Variants in MCPH1 observed in about 807,000 individuals in gnomAD.
MCPH1 encodes microcephalin 1.
In MCPH1, 104 loss-of-function variants were observed where a neutral mutation model predicts 84.5. The ratio of observed to expected loss-of-function variants is 1.23; its 90% CI spans 1.05 to 1.45. The LOEUF (loss-of-function observed/expected upper bound fraction) is 1.45, where lower values mean the gene tolerates loss of function less well. Ranked by LOEUF, MCPH1 falls within the 40% of genes most tolerant of loss-of-function variation. The pLI, the probability that MCPH1 is intolerant of heterozygous loss-of-function variation, is 0.00. For missense variants in MCPH1, 1,498 were observed against 1,005.7 expected (o/e 1.49, Z -6.62); for synonymous variants, 514 against 366.8 (o/e 1.40, Z -4.58).
chr8:6,445,516 G>A lies in MCPH1; in HGVS notation c.1794G>A (p.Glu598=), dbSNP rs778610703. 9.3e-6 allele frequency: 15 copies of A among 1,606,792 alleles called. No homozygotes were observed. The highest frequency in any genetic ancestry group is 1.1e-5 in the Non-Finnish European group (13 of 1,177,532). The change falls in exon 8 of 14, where the codon GAG becomes GAA. Residue 598 remains glutamate, a synonymous_variant. Coordinates refer to ENST00000344683, the MANE Select transcript of MCPH1 (RefSeq NM_024596.5). ...VDCNMETSTE[E]KENLPGGYSG... ...GTAACATGGAGACGTCTACAGAAGA[G>A]AAGGAAAACTTACCCGGAGGATACA...
chr8:6,521,685 G>A (rs1208361583), intron 12 of MCPH1, among the ~76,000 whole-genome samples: 2 of 152,162 alleles, frequency 1.3e-5, no homozygotes, highest in Non-Finnish European at 2.9e-5. Context: ...CAGGATAGGT[G>A]GGATATGGGT....
intron 12 of MCPH1, among the ~76,000 whole-genome samples, chr8:6,504,627 C>G (rs968639555): frequency 2.6e-5 from 4 of 152,028 alleles, no homozygotes; most frequent in African/African-American, 9.7e-5. Flanking sequence ...AAAGTGCTTC[C>G]TTTAAGTGAA....
chr8:6,522,773 CA>C (rs199503821), intron 12 of MCPH1, among the ~76,000 whole-genome samples: 12,752 of 130,120 alleles, frequency 0.098, 933 homozygotes, highest in African/African-American at 0.21. Flanking sequence ...GACATCGTCT[CA>C]AAAAAAAAAA....
chr8:6,548,424 C>T (rs144669039), intron 12 of MCPH1, among the ~76,000 whole-genome samples: 30 of 152,238 alleles, frequency 2.0e-4, no homozygotes, highest in African/African-American at 7.2e-4. Flanking sequence ...GATTTTGATC[C>T]TCATCTCAAC....
chr8:6,431,032 G>C (rs1316772112), intron 3 of MCPH1, among the ~76,000 whole-genome samples: 4 of 152,170 alleles, frequency 2.6e-5, no homozygotes, highest in African/African-American at 9.7e-5. Context: ...CCTGGGCCTT[G>C]GGGCTGATGG....
rs115482959 is a variant in MCPH1 at position 6,593,783 on chromosome 8, A to G, written c.2215-27671A>G. ...TGAGGTCATGTTATAAAATTGTCGCATAGGACTTCTCAAGAAAAGACAGCC... is the reference window on the plus strand; with the variant it reads ...TGAGGTCATGTTATAAAATTGTCGCGTAGGACTTCTCAAGAAAAGACAGCC... On this transcript the variant is annotated intron_variant, in intron 12 of 13. Transcript: ENST00000344683. Among the ~76,000 whole-genome samples, 1,176 of 152,360 alleles carry G rather than the reference A, an allele frequency of 7.7e-3. 13 individuals carry two copies. The highest frequency in any genetic ancestry group is 0.027 in the African/African-American group (1,126 of 41,584).
rs745328654 is a variant in MCPH1, at chr8:6,406,651, G to T, written c.-17G>T. On this transcript the variant is annotated 5_prime_UTR_variant, in exon 1 of 14. Transcript: ENST00000344683. ...CAAGCACCGCGTAGGCCAGCTGGCC[G>T]GATCCCGCCGTCTGTCATGGCGGCC... is the stretch of plus-strand genomic sequence containing the variant. 3 of 1,611,498 alleles carry T rather than the reference G, an allele frequency of 1.9e-6. No homozygotes were observed. The highest frequency in any genetic ancestry group is 2.5e-6 in the Non-Finnish European group (3 of 1,179,380).
At chr8:6,586,112 C>T (rs1211824386) in intron 12 of MCPH1, among the ~76,000 whole-genome samples, 1 of 152,148 alleles carries the variant, frequency 6.6e-6, no homozygotes, top group East Asian at 1.9e-4. Context: ...AAGCATGTGC[C>T]ACCATGCCCA....
chr8:6,529,235 C>A (rs1482121107), intron 12 of MCPH1, among the ~76,000 whole-genome samples: 1 of 152,158 alleles, frequency 6.6e-6, no homozygotes, highest in Non-Finnish European at 1.5e-5. Context: ...ATTGATCTCT[C>A]ATTCCCTTTA....
chr8:6,427,823 C>T (rs369736620), intron 3 of MCPH1, among the ~76,000 whole-genome samples: 28 of 149,006 alleles, frequency 1.9e-4, no homozygotes, highest in East Asian at 1.8e-3. Flanking sequence ...AACGGAGTGT[C>T]GCTCTGTCGC....
chr8:6,579,550 C>T (rs1827385848), intron 12 of MCPH1, among the ~76,000 whole-genome samples: 1 of 152,120 alleles, frequency 6.6e-6, no homozygotes, highest in Non-Finnish European at 1.5e-5. Context: ...TTTTGGTGCC[C>T]AGATAATGTG....
intron 12 of MCPH1, among the ~76,000 whole-genome samples, chr8:6,613,123 G>T (rs1335395454): frequency 1.3e-5 from 2 of 152,196 alleles, no homozygotes; most frequent in Admixed American, 1.3e-4. Context: ...GAGGAAGGCA[G>T]GCCTGCAGCA....
intron 12 of MCPH1, among the ~76,000 whole-genome samples, chr8:6,571,547 G>C (rs886184653): frequency 6.6e-6 from 1 of 152,106 alleles, no homozygotes; most frequent in Admixed American, 6.5e-5. Flanking sequence ...CTTAATGCCA[G>C]CTAGATTAAT....
chr8:6,482,256 GA>G (rs1259869377), intron 11 of MCPH1, among the ~76,000 whole-genome samples: 2 of 152,180 alleles, frequency 1.3e-5, no homozygotes, highest in East Asian at 3.8e-4. Flanking sequence ...AATATGGAAA[GA>G]AAAATGGTAT....
At position 6,444,908 on chromosome 8, in the gene MCPH1, C is replaced by A. The variant is rs201128010; in HGVS notation, c.1186C>A (p.His396Asn). 4.2e-5 allele frequency: 67 copies of A among 1,614,038 alleles called. No homozygotes were observed. The Admixed American group carries it at 9.5e-4, about 23-fold the overall frequency. ...QLCRSEDRLQ[H>N]VAGPALEALS... The stretch of plus-strand genomic sequence containing the variant: ...GTGCAGGTCGGAAGACAGGCTGCAG[C>A]ACGTGGCGGGACCTGCCCTGGAGGC... Residue 396 changes from histidine to asparagine, a missense_variant, in exon 8 of 14, where the codon CAC (histidine) becomes AAC (asparagine). By Grantham distance (68) the His-to-Asn change is moderately conservative (BLOSUM62 1). Coordinates refer to ENST00000344683, the MANE Select transcript of MCPH1 (RefSeq NM_024596.5).
intron 12 of MCPH1, chr8:6,509,069 G>A: frequency 1.2e-6 from 2 of 1,612,000 alleles, no homozygotes; most frequent in Middle Eastern, 3.3e-4. Flanking sequence ...AATCCTGTAA[G>A]CGTGCAAAGA....
intron 12 of MCPH1, among the ~76,000 whole-genome samples, chr8:6,531,182 GT>G (rs899975955): frequency 1.7e-4 from 26 of 151,660 alleles, no homozygotes; most frequent in African/African-American, 5.6e-4. Flanking sequence ...CACCCAGGCC[GT>G]TCGCTGGGTC....
intron 13 of MCPH1, among the ~76,000 whole-genome samples, chr8:6,635,690 T>C (rs937082622): frequency 6.6e-6 from 1 of 152,212 alleles, no homozygotes; most frequent in African/African-American, 2.4e-5. Context: ...AGACCATTGT[T>C]AGTGGTGCAG....
At chr8:6,624,580 C>T (rs1831862621) in intron 13 of MCPH1, among the ~76,000 whole-genome samples, 1 of 152,210 alleles carries the variant, frequency 6.6e-6, no homozygotes, top group Admixed American at 6.5e-5. Flanking sequence ...CTAGTAGCTG[C>T]AGCTATGTAC....
Sources: gnomAD v4.1 joint callset for allele counts (sites outside exome capture counted in the v4.1 genomes callset) on GRCh38, gnomAD v4.1.1 for gene constraint, MANE v1.5 for transcripts, NCBI Gene and HGNC (gene_info 2026-07-23, HGNC 2026-07-21) for gene names.